KANSL1: variants seen among roughly 807,000 people sequenced by gnomAD.
The protein encoded by KANSL1 is KAT8 regulatory NSL complex subunit 1, also known as MLL1/MLL complex subunit KANSL1.
KANSL1 carries 22 observed loss-of-function variants against 103.6 expected under a neutral mutation model. The ratio of observed to expected loss-of-function variants is 0.21; its 90% CI spans 0.15 to 0.30. The LOEUF (loss-of-function observed/expected upper bound fraction) is 0.30. KANSL1 is among the 10% of genes least tolerant of loss of function. The pLI is 1.00. For missense variants in KANSL1, 1,337 were observed against 1,399.8 expected (o/e 0.96, Z 0.72); for synonymous variants, 600 against 527.6 (o/e 1.14, Z -1.88).
At chr17:46,198,797 T>C (rs1213779828), upstream of KANSL1, among the ~76,000 whole-genome samples, 2 of 152,224 alleles carry the variant, frequency 1.3e-5, no homozygotes, top group African/African-American at 4.8e-5. Context: ...GATAACACTA[T>C]ATATAAAAAT....
intron 1 of KANSL1, 53 bp from the exon 2 acceptor site, chr17:46,172,285 T>C (rs1339029548): frequency 6.8e-6 from 6 of 879,890 alleles, no homozygotes; most frequent in African/African-American, 3.6e-5. Flanking sequence ...TTTAAAAACA[T>C]GTATATTTTT....
chr17:46,060,131 T>C (rs1282194646), intron 6 of KANSL1, among the ~76,000 whole-genome samples: 2 of 152,236 alleles, frequency 1.3e-5, no homozygotes, highest in Admixed American at 6.5e-5. Context: ...TTAATACTTA[T>C]GAAGGAATTA....
chr17:46,057,811 C>T (rs1046258360), intron 6 of KANSL1, among the ~76,000 whole-genome samples: 2 of 152,168 alleles, frequency 1.3e-5, no homozygotes, highest in Non-Finnish European at 2.9e-5. Context: ...CATTCAACTT[C>T]GTATCTGAAT....
chr17:46,210,479 A>C (rs2048123445), intron 1 of KANSL1, among the ~76,000 whole-genome samples: 1 of 550 alleles, frequency 1.8e-3, no homozygotes, highest in Non-Finnish European at 3.8e-3. Context: ...TCTCAAAAAA[A>C]AAAAAAAAAA....
At chr17:46,051,135 A>ATCCACC (rs1305130041) in intron 6 of KANSL1, among the ~76,000 whole-genome samples, 1 of 152,206 alleles carries the variant, frequency 6.6e-6, no homozygotes, top group Admixed American at 6.5e-5. Context: ...CAGCAAATTT[A>ATCCACC]TCCACCTAGG....
At chr17:46,114,166 G>A (rs905156525) in intron 2 of KANSL1, among the ~76,000 whole-genome samples, 9 of 152,086 alleles carry the variant, frequency 5.9e-5, no homozygotes, top group African/African-American at 9.7e-5. Flanking sequence ...CTAGACCAGC[G>A]TGGCCAATAC....
intron 2 of KANSL1, among the ~76,000 whole-genome samples, chr17:46,116,074 A>G (rs1412031498): frequency 1.3e-5 from 2 of 152,238 alleles, no homozygotes; most frequent in African/African-American, 4.8e-5. Context: ...CCTCTTATAA[A>G]TAAGTCAACT....
intron 2 of KANSL1, among the ~76,000 whole-genome samples, chr17:46,117,068 T>A (rs920752758): frequency 6.6e-6 from 1 of 152,250 alleles, no homozygotes; most frequent in African/African-American, 2.4e-5. Context: ...CTTCTCCCAA[T>A]GAGAGGCAGA....
intron 2 of KANSL1, among the ~76,000 whole-genome samples, chr17:46,169,040 G>C (rs1471677373): frequency 6.6e-6 from 1 of 152,178 alleles, no homozygotes; most frequent in Non-Finnish European, 1.5e-5. Context: ...AAAACAATAC[G>C]CTTATAGTGT....
chr17:46,062,354 GCT>G (rs1491314241), intron 6 of KANSL1, among the ~76,000 whole-genome samples: 19 of 109,662 alleles, frequency 1.7e-4, no homozygotes, highest in African/African-American at 5.1e-4. Context: ...TATAACAACA[GCT>G]TTTTTTTTTT....
At chr17:46,038,504 G>T in intron 10 of KANSL1, 34 bp downstream of exon 10, 1 of 1,609,452 alleles carries the variant, frequency 6.2e-7, no homozygotes, top group Non-Finnish European at 8.5e-7. Context: ...GACCTGCAGA[G>T]GGGGTGTCCG....
At chr17:46,083,838 G>C (rs942517811) in intron 3 of KANSL1, among the ~76,000 whole-genome samples, 1 of 152,082 alleles carries the variant, frequency 6.6e-6, no homozygotes, top group Non-Finnish European at 1.5e-5. Flanking sequence ...GTGACTATTA[G>C]TCTTAGCTCT....
At chr17:46,152,870 G>A (rs1291186936) in intron 2 of KANSL1, 1 of 152,228 alleles carries the variant, frequency 6.6e-6, no homozygotes, top group Non-Finnish European at 1.5e-5. Context: ...AATCCACAGT[G>A]ATAAATAATT....
chr17:46,072,794 T>A (rs1442397614), intron 4 of KANSL1, among the ~76,000 whole-genome samples: 1 of 152,220 alleles, frequency 6.6e-6, no homozygotes, highest in Non-Finnish European at 1.5e-5. Context: ...TAAAATTACA[T>A]TATAACAATT....
intron 6 of KANSL1, among the ~76,000 whole-genome samples, chr17:46,050,914 A>T (rs767479733): frequency 2.2e-4 from 34 of 152,248 alleles, no homozygotes; most frequent in Non-Finnish European, 4.6e-4. Context: ...CAAAGTGGGT[A>T]AGGAAACTTG....
At chr17:46,108,207 G>GGGCTT (rs2042653898) in intron 2 of KANSL1, among the ~76,000 whole-genome samples, 1 of 152,162 alleles carries the variant, frequency 6.6e-6, no homozygotes, top group South Asian at 2.1e-4. Context: ...CTCAAACAGA[G>GGGCTT]AGCCTCTATC....
chr17:46,105,906 G>GAGACACACAC (rs778730504), intron 2 of KANSL1, among the ~76,000 whole-genome samples: 104 of 95,212 alleles, frequency 1.1e-3, no homozygotes, highest in African/African-American at 4.6e-3. Context: ...GCAAGGCCTT[G>GAGACACACAC]ACACACACAC....
intron 6 of KANSL1, among the ~76,000 whole-genome samples, chr17:46,059,397 C>T (rs62060786): frequency 0.14 from 21,766 of 151,678 alleles, 2,121 homozygotes; most frequent in Non-Finnish European, 0.22. Flanking sequence ...GGCGGGCAGA[C>T]CACCTAAGGT....
intron 7 of KANSL1, chr17:46,040,650 T>C (rs1344458803): frequency 6.6e-6 from 1 of 152,210 alleles, no homozygotes; most frequent in Non-Finnish European, 1.5e-5. Flanking sequence ...TTCTTACTTG[T>C]AGGTGGTCTG....
Sources: gnomAD v4.1 joint callset for allele counts (sites outside exome capture counted in the v4.1 genomes callset) on GRCh38, gnomAD v4.1.1 for gene constraint, MANE v1.5 for transcripts, NCBI Gene and HGNC (gene_info 2026-07-23, HGNC 2026-07-21) for gene names.